Variants in MOB3B observed in about 807,000 individuals in gnomAD.
MOB3B encodes MOB kinase activator-like 2B.
Under a neutral mutation model 18.7 loss-of-function variants are expected in MOB3B, and 7 were observed. That is an observed-to-expected ratio of 0.37 (90% confidence interval 0.21 to 0.70). MOB3B has a LOEUF of 0.70. Among genes scored for constraint, MOB3B ranks in the 30% least tolerant of loss-of-function variants. The pLI is 0.52. For missense variants in MOB3B, 253 were observed against 281.3 expected (o/e 0.90, Z 0.72); for synonymous variants, 111 against 99.9 (o/e 1.11, Z -0.66).
At chr9:27,465,254 G>C (rs891559648) in intron 1 of MOB3B, among the ~76,000 whole-genome samples, 1 of 152,102 alleles carries the variant, frequency 6.6e-6, no homozygotes, top group African/African-American at 2.4e-5. Context: ...CAAAACAAAG[G>C]GGTTACAGGG....
At chr9:27,494,133 A>C (rs1467525945) in intron 1 of MOB3B, among the ~76,000 whole-genome samples, 1 of 152,134 alleles carries the variant, frequency 6.6e-6, no homozygotes, top group Non-Finnish European at 1.5e-5. Flanking sequence ...TAGGAAGAGG[A>C]AATTCCTGCC....
intron 2 of MOB3B, among the ~76,000 whole-genome samples, chr9:27,451,139 A>G (rs1822776847): frequency 6.6e-6 from 1 of 152,236 alleles, no homozygotes; most frequent in Non-Finnish European, 1.5e-5. Flanking sequence ...CCTATTATAT[A>G]ACAGAAAAAC....
chr9:27,384,833 T>C (rs1821628154), intron 2 of MOB3B, among the ~76,000 whole-genome samples: 1 of 152,190 alleles, frequency 6.6e-6, no homozygotes, highest in African/African-American at 2.4e-5. Context: ...TTCTGGCCCA[T>C]GGCACCACCT....
intron 2 of MOB3B, among the ~76,000 whole-genome samples, chr9:27,420,536 A>T (rs1822227738): frequency 8.9e-6 from 1 of 112,058 alleles, no homozygotes; most frequent in African/African-American, 3.5e-5. Context: ...TATATATTCC[A>T]TCTGTATATT....
intron 2 of MOB3B, among the ~76,000 whole-genome samples, chr9:27,426,453 T>C (rs1251606194): frequency 6.6e-6 from 1 of 152,210 alleles, no homozygotes; most frequent in Non-Finnish European, 1.5e-5. Flanking sequence ...ATCATGTGTA[T>C]TGGCAAAGCT....
At chr9:27,462,333 G>A (rs940801605) in intron 1 of MOB3B, among the ~76,000 whole-genome samples, 3 of 148,032 alleles carry the variant, frequency 2.0e-5, no homozygotes, top group Middle Eastern at 3.3e-3. Context: ...AGAAAGACAC[G>A]TGAATTGAAA....
intron 2 of MOB3B, among the ~76,000 whole-genome samples, chr9:27,427,670 C>T (rs978130536): frequency 1.3e-5 from 2 of 152,076 alleles, no homozygotes; most frequent in African/African-American, 2.4e-5. Flanking sequence ...AATAAAGATT[C>T]TATTCATATT....
intron 1 of MOB3B, chr9:27,526,045 G>A (rs1282870365): frequency 3.9e-5 from 6 of 151,978 alleles, no homozygotes; most frequent in Non-Finnish European, 8.8e-5. Context: ...AGAGATTGTG[G>A]CTACGCAAAT....
Position 27,363,713 on chromosome 9 carries a change from A to G in MOB3B, c.419-4477T>C, listed in dbSNP as rs183469025. On this transcript the variant is annotated intron_variant, in intron 2 of 3. Coordinates refer to ENST00000262244, the MANE Select transcript of MOB3B (RefSeq NM_024761.5). ...CCTATAGGTTCTATGGTGTCAGGGA[A>G]GGTGAGGGACAAGAATACCATTTTA... 3.1e-3 allele frequency among the ~76,000 whole-genome samples: 478 copies of G among 152,196 alleles called. 3 individuals are homozygous for G. The highest frequency in any genetic ancestry group is 0.011 in the African/African-American group (445 of 41,516).
chr9:27,371,159 T>C (rs74413178), intron 2 of MOB3B, among the ~76,000 whole-genome samples: 3,491 of 152,310 alleles, frequency 0.023, 155 homozygotes, highest in African/African-American at 0.08. Flanking sequence ...CCAGATTTGG[T>C]TGGCAAATCA....
chr9:27,515,919 T>C lies in MOB3B; in HGVS notation c.-199+13636A>G, dbSNP rs1218778685. On this transcript the variant is annotated intron_variant, in intron 1 of 3. Coordinates refer to ENST00000262244, the MANE Select transcript of MOB3B (RefSeq NM_024761.5). ...GAAACAAAAGACTTTGCAAATGTAA[T>C]CAAATTAAGAAGATGTCATACTGGA... is the stretch of plus-strand genomic sequence containing the variant. 2.6e-5 allele frequency among the ~76,000 whole-genome samples: 4 copies of C among 152,288 alleles called. No homozygotes were observed. The East Asian group carries it at 7.7e-4, about 29-fold the overall frequency.
intron 2 of MOB3B, among the ~76,000 whole-genome samples, chr9:27,399,410 A>G (rs1821844104): frequency 6.6e-6 from 1 of 152,224 alleles, no homozygotes; most frequent in Admixed American, 6.5e-5. Flanking sequence ...GCCAAATTTC[A>G]GACCATTATG....
chr9:27,335,603 C>T (rs1820852317), intron 3 of MOB3B, among the ~76,000 whole-genome samples: 1 of 152,180 alleles, frequency 6.6e-6, no homozygotes, highest in African/African-American at 2.4e-5. Flanking sequence ...CTCAGGCACT[C>T]AACCTCATCC....
At chr9:27,424,484 T>C (rs1822298955) in intron 2 of MOB3B, among the ~76,000 whole-genome samples, 2 of 152,206 alleles carry the variant, frequency 1.3e-5, no homozygotes, top group Admixed American at 1.3e-4. Flanking sequence ...TTACTTCATT[T>C]CTCATCTGTT....
At chr9:27,347,475 C>T (rs1303917943) in intron 3 of MOB3B, among the ~76,000 whole-genome samples, 1 of 152,232 alleles carries the variant, frequency 6.6e-6, no homozygotes, top group Non-Finnish European at 1.5e-5. Context: ...ATAATGGGTG[C>T]CATAGCACAG....
At chr9:27,528,460 G>A (rs1440287905) in intron 1 of MOB3B, among the ~76,000 whole-genome samples, 5 of 152,238 alleles carry the variant, frequency 3.3e-5, no homozygotes, top group African/African-American at 7.2e-5. Flanking sequence ...TGAGAAATGC[G>A]CCCTGGGCCA....
intron 1 of MOB3B, among the ~76,000 whole-genome samples, chr9:27,489,000 G>A (rs1485495243): frequency 1.3e-5 from 2 of 152,214 alleles, no homozygotes; most frequent in African/African-American, 2.4e-5. Flanking sequence ...GAGACATGAT[G>A]TTTCAAGTGA....
chr9:27,431,218 C>A (rs555276962), intron 2 of MOB3B, among the ~76,000 whole-genome samples: 1 of 152,268 alleles, frequency 6.6e-6, no homozygotes, highest in East Asian at 1.9e-4. Flanking sequence ...AAATAAACCT[C>A]ATGAATTGTA....
intron 1 of MOB3B, among the ~76,000 whole-genome samples, chr9:27,467,566 C>T (rs1819404038): frequency 6.6e-6 from 1 of 152,232 alleles, no homozygotes; most frequent in Non-Finnish European, 1.5e-5. Context: ...ACCATTTCCC[C>T]ACTCGTGGTT....
Sources: gnomAD v4.1 joint callset for allele counts (sites outside exome capture counted in the v4.1 genomes callset) on GRCh38, gnomAD v4.1.1 for gene constraint, MANE v1.5 for transcripts, NCBI Gene and HGNC (gene_info 2026-07-23, HGNC 2026-07-21) for gene names.